NFATC2: variants seen among roughly 807,000 people sequenced by gnomAD.
NFATC2 encodes nuclear factor of activated T-cells, cytoplasmic 2.
A neutral mutation model predicts 87.3 loss-of-function variants in NFATC2; 22 were observed. The observed-to-expected ratio is 0.25, with a 90% CI of 0.18 to 0.36. The LOEUF (loss-of-function observed/expected upper bound fraction) is 0.36, where lower values mean the gene tolerates loss of function less well. Ranked by LOEUF, NFATC2 falls within the 10% of genes least tolerant of loss-of-function variation. The pLI, the probability that NFATC2 is intolerant of heterozygous loss-of-function variation, is 1.00. For synonymous variants in NFATC2, 565 were observed against 542.2 expected, an observed-to-expected ratio of 1.04 and a Z score of -0.58; for missense variants, 1,149 against 1,259.1, an observed-to-expected ratio of 0.91 and a Z score of 1.32.
chr20:51,440,515 T>C (rs1485045569), intron 6 of NFATC2, among the ~76,000 whole-genome samples: 1 of 152,224 alleles, frequency 6.6e-6, no homozygotes, highest in African/African-American at 2.4e-5. Flanking sequence ...GTGCCTGATT[T>C]TCCTTTGCTT....
intron 9 of NFATC2, among the ~76,000 whole-genome samples, chr20:51,399,548 G>A (rs985232301): frequency 2.0e-5 from 3 of 152,212 alleles, no homozygotes; most frequent in Non-Finnish European, 4.4e-5. Flanking sequence ...CTTCAAGGGA[G>A]ACAGAATGCT....
At chr20:51,487,002 G>A (rs924334485) in intron 3 of NFATC2, among the ~76,000 whole-genome samples, 3 of 152,210 alleles carry the variant, frequency 2.0e-5, no homozygotes, top group East Asian at 3.8e-4. Context: ...TGGAGATGGC[G>A]AGGGAAAAGT....
At chr20:51,485,450 T>G (rs950730064) in intron 3 of NFATC2, among the ~76,000 whole-genome samples, 1 of 152,194 alleles carries the variant, frequency 6.6e-6, no homozygotes, top group Non-Finnish European at 1.5e-5. Flanking sequence ...CACCATCATA[T>G]AGGAGCTGGG....
chr20:51,517,008 C>CT lies in NFATC2; in HGVS notation c.1161-54dup. The stretch of plus-strand genomic sequence containing the variant: ...TGTGCAATAAACCAAAATTAGTCAA[C>CT]TTGTACAATAATTGTAAACGGCCCT... On this transcript the variant is annotated intron_variant, in intron 2 of 10. Coordinates refer to ENST00000371564, the MANE Select transcript of NFATC2 (RefSeq NM_012340.5). 1.9e-6 allele frequency: 3 copies of CT among 1,540,032 alleles called. No individual in the cohort carries two copies. In the South Asian group the frequency reaches 3.6e-5, roughly 19 times the overall value.
chr20:51,478,694 C>A lies in NFATC2; in HGVS notation c.1333-3034G>T, dbSNP rs567484778. On this transcript the variant is annotated intron_variant, in intron 3 of 10. Transcript: ENST00000371564. ...ATCCAGATACTCCCCTGCCTACAAC[C>A]CTTCAAAGACTTCCTGTGGCCTTAT... Among the ~76,000 whole-genome samples, 188 of 152,278 alleles carry A rather than the reference C, an allele frequency of 1.2e-3. 1 individual carries two copies. Among genetic ancestry groups the A allele is most frequent in the African/African-American group, 4.3e-3 (180 of 41,554 alleles).
intron 4 of NFATC2, among the ~76,000 whole-genome samples, chr20:51,474,419 C>G (rs189036445): frequency 6.6e-6 from 1 of 152,282 alleles, no homozygotes; most frequent in East Asian, 1.9e-4. Context: ...CTCTATGTAA[C>G]TGGGGACTAT....
rs187460113 is a variant in NFATC2 at position 51,451,649 on chromosome 20, C to T, written c.1849+2899G>A. On this transcript the variant is annotated intron_variant, in intron 6 of 10. Transcript: ENST00000371564. ...GGCGGGCGAGAGAGCAAAGCTTCAT[C>T]TGTGTTGACAGCCACTCCCCATCAC... is the stretch of plus-strand genomic sequence containing the variant. 3.5e-3 allele frequency among the ~76,000 whole-genome samples: 536 copies of T among 152,366 alleles called. 4 individuals carry two copies. The highest frequency in any genetic ancestry group is 6.1e-3 in the Non-Finnish European group (412 of 68,036).
At chr20:51,528,096 A>G (rs1007262823) in intron 1 of NFATC2, among the ~76,000 whole-genome samples, 3 of 151,988 alleles carry the variant, frequency 2.0e-5, no homozygotes, top group Non-Finnish European at 4.4e-5. Context: ...AAAAAAAAAA[A>G]AAAAAAAAAA....
intron 1 of NFATC2, among the ~76,000 whole-genome samples, chr20:51,560,655 A>G (rs2146851010): frequency 1.3e-5 from 2 of 152,298 alleles, no homozygotes; most frequent in South Asian, 4.1e-4. Flanking sequence ...ACTGCATTCT[A>G]TGTGCCCAGT....
chr20:51,405,434 G>A (rs1019130549), intron 9 of NFATC2, among the ~76,000 whole-genome samples: 11 of 37,734 alleles, frequency 2.9e-4, no homozygotes, highest in Non-Finnish European at 7.1e-4. Context: ...CCTCACACGT[G>A]TCATCTCACC....
At chr20:51,475,696 G>A (rs1443316977) in intron 3 of NFATC2, 36 bp from the exon 4 acceptor site, 1 of 1,605,072 alleles carries the variant, frequency 6.2e-7, no homozygotes, top group Non-Finnish European at 8.5e-7. Context: ...TAAGGTGCGG[G>A]GTGTGGTGGC....
chr20:51,536,027 T>A (rs1397889220), intron 1 of NFATC2, among the ~76,000 whole-genome samples: 1 of 152,214 alleles, frequency 6.6e-6, no homozygotes, highest in Admixed American at 6.5e-5. Flanking sequence ...AGTGCAGGGC[T>A]TTAGATCCAA....
chr20:51,468,106 A>C (rs1987858157), intron 5 of NFATC2, among the ~76,000 whole-genome samples: 1 of 152,244 alleles, frequency 6.6e-6, no homozygotes, highest in Admixed American at 6.5e-5. Flanking sequence ...GTTCTAGAAC[A>C]GGGAAGATTA....
intron 9 of NFATC2, among the ~76,000 whole-genome samples, chr20:51,429,802 A>G (rs1982423369): frequency 6.6e-6 from 1 of 152,186 alleles, no homozygotes. Flanking sequence ...CCTCCTTCAG[A>G]AAATAGCTCC....
chr20:51,427,553 C>T (rs1354978533), intron 9 of NFATC2, among the ~76,000 whole-genome samples: 3 of 152,152 alleles, frequency 2.0e-5, no homozygotes, highest in African/African-American at 7.2e-5. Flanking sequence ...TTTTTTCAAC[C>T]CTTGACTCCC....
chr20:51,542,509 G>A lies in NFATC2; in HGVS notation c.-10C>T, dbSNP rs1417536742. ...GCTCGGGGGCGTTCATGGCGCGCAG[G>A]GCGGGAAGGCTGCGGGGCCGGGGGC... is the stretch of plus-strand genomic sequence containing the variant. On this transcript the variant is annotated 5_prime_UTR_variant, in exon 1 of 11. Coordinates refer to ENST00000371564, the MANE Select transcript of NFATC2 (RefSeq NM_012340.5). 16 of 1,453,706 alleles carry A rather than the reference G, an allele frequency of 1.1e-5. No homozygotes were observed. Among genetic ancestry groups the A allele is most frequent in the African/African-American group, 1.5e-5 (1 of 67,074 alleles). The allele number at this position is 1,453,706 out of a possible 1,614,324, so 90.1% of individuals were successfully genotyped here.
At chr20:51,498,102 G>T (rs924606552) in intron 3 of NFATC2, among the ~76,000 whole-genome samples, 1 of 152,264 alleles carries the variant, frequency 6.6e-6, no homozygotes, top group East Asian at 1.9e-4. Context: ...CCACAGACAC[G>T]AGGGGCCGGG....
Position 51,525,237 on chromosome 20 carries a change from C to A in NFATC2, c.131-1127G>T, listed in dbSNP as rs536770043. On this transcript the variant is annotated intron_variant, in intron 1 of 10. Transcript: ENST00000371564. ...TCTGTCTCAAAAATAAAATAAAATA[C>A]ACTAAAATAAAGATAAAACCAATGA... 1.4e-4 allele frequency among the ~76,000 whole-genome samples: 21 copies of A among 152,196 alleles called. No homozygotes were observed. In the South Asian group the frequency reaches 4.4e-3, roughly 32 times the overall value.
chr20:51,448,666 G>A (rs1194382393), intron 6 of NFATC2, among the ~76,000 whole-genome samples: 1 of 152,084 alleles, frequency 6.6e-6, no homozygotes, highest in East Asian at 1.9e-4. Flanking sequence ...AAAAAGAAAA[G>A]AAAAGAAATG....
Sources: gnomAD v4.1 joint callset for allele counts (sites outside exome capture counted in the v4.1 genomes callset) on GRCh38, gnomAD v4.1.1 for gene constraint, MANE v1.5 for transcripts, NCBI Gene and HGNC (gene_info 2026-07-23, HGNC 2026-07-21) for gene names.